Variants in MDFIC2 observed in about 807,000 individuals in gnomAD.
MDFIC2 encodes myoD family inhibitor domain-containing protein 2.
chr3:70,299,644 C>T (rs116364134), intron 2 of MDFIC2, among the ~76,000 whole-genome samples: 239 of 152,176 alleles, frequency 1.6e-3, no homozygotes, highest in African/African-American at 5.4e-3. Flanking sequence ...ATCTCAAATT[C>T]GGAATTCATG....
At chr3:70,295,560 AG>A (rs1702282115) in intron 2 of MDFIC2, among the ~76,000 whole-genome samples, 1 of 152,060 alleles carries the variant, frequency 6.6e-6, no homozygotes, top group Admixed American at 6.6e-5. Flanking sequence ...AAAATGAGCC[AG>A]GCTTGGTGGT....
At chr3:70,204,849 A>T (rs1054174858) in intron 3 of MDFIC2, 2 of 152,116 alleles carry the variant, frequency 1.3e-5, no homozygotes, top group African/African-American at 4.8e-5. Context: ...GTGGATATGT[A>T]CAATGGCAAT....
intron 2 of MDFIC2, among the ~76,000 whole-genome samples, chr3:70,307,477 A>G (rs950172352): frequency 2.0e-5 from 3 of 152,106 alleles, no homozygotes; most frequent in African/African-American, 7.2e-5. Flanking sequence ...ATGGGGTATT[A>G]CCTGACATCC....
rs924652134 is a variant in MDFIC2 at position 70,232,374 on chromosome 3, CAT to C, written c.89-25586_89-25585del. Among the ~76,000 whole-genome samples, 3 of 151,810 alleles carry C rather than the reference CAT, an allele frequency of 2.0e-5. No individual in the cohort carries two copies. The East Asian group carries it at 5.8e-4, about 29-fold the overall frequency. ...TGCCCACAATATTCACACCTCCACTCATGTGGCTGGACACAATGATGATGTTC... is the reference window on the plus strand; with the variant it reads ...TGCCCACAATATTCACACCTCCACTCGTGGCTGGACACAATGATGATGTTC... On this transcript the variant is annotated intron_variant, in intron 2 of 3. Coordinates refer to ENST00000567252, the MANE Select transcript of MDFIC2 (RefSeq NM_001364677.1).
intron 2 of MDFIC2, among the ~76,000 whole-genome samples, chr3:70,235,115 A>C (rs1290591722): frequency 6.6e-6 from 1 of 152,024 alleles, no homozygotes; most frequent in Non-Finnish European, 1.5e-5. Context: ...TCCAACCTCT[A>C]TTGGAGAAGA....
chr3:70,286,264 G>T (rs533293676), intron 2 of MDFIC2, among the ~76,000 whole-genome samples: 3 of 152,250 alleles, frequency 2.0e-5, no homozygotes, highest in Admixed American at 2.0e-4. Context: ...TCCAGTTTCA[G>T]CTTTCTACAT....
chr3:70,300,912 A>T (rs532162312), intron 2 of MDFIC2, among the ~76,000 whole-genome samples: 2 of 151,934 alleles, frequency 1.3e-5, no homozygotes, highest in African/African-American at 2.4e-5. Context: ...TGCTGTTTTT[A>T]AAAAAAAGTC....
chr3:70,308,637 G>T (rs1167517139), intron 2 of MDFIC2, among the ~76,000 whole-genome samples: 1 of 152,124 alleles, frequency 6.6e-6, no homozygotes, highest in Non-Finnish European at 1.5e-5. Context: ...TGAGATGAAT[G>T]AATAATAAGG....
chr3:70,255,487 G>A (rs1338309669), intron 2 of MDFIC2, among the ~76,000 whole-genome samples: 1 of 152,090 alleles, frequency 6.6e-6, no homozygotes, highest in East Asian at 1.9e-4. Flanking sequence ...AGTGGTATGA[G>A]CACAGTTAAC....
chr3:70,224,575 A>G (rs1367080025), intron 2 of MDFIC2, among the ~76,000 whole-genome samples: 1 of 152,142 alleles, frequency 6.6e-6, no homozygotes, highest in Non-Finnish European at 1.5e-5. Flanking sequence ...AATGCTCACT[A>G]AGTGTCTGAC....
chr3:70,283,796 A>G (rs1420104145), intron 2 of MDFIC2: 2 of 151,984 alleles, frequency 1.3e-5, no homozygotes, highest in Non-Finnish European at 2.9e-5. Context: ...GAGAGAGAAG[A>G]AAAAGAAAAA....
intron 2 of MDFIC2, among the ~76,000 whole-genome samples, chr3:70,304,236 C>T (rs566085099): frequency 1.5e-4 from 23 of 152,264 alleles, no homozygotes; most frequent in Admixed American, 5.9e-4. Flanking sequence ...TTTCCTGCCC[C>T]AGTGCCTGTA....
intron 2 of MDFIC2, among the ~76,000 whole-genome samples, chr3:70,226,253 A>T (rs1024657110): frequency 1.3e-5 from 2 of 152,196 alleles, no homozygotes; most frequent in Non-Finnish European, 2.9e-5. Context: ...GATGAGTAAG[A>T]CCTGGCCTCT....
rs965918688 is a variant in MDFIC2 at position 70,194,947 on chromosome 3, G to A, written c.*1979C>T. On this transcript the variant is annotated 3_prime_UTR_variant, in exon 4 of 4. Coordinates refer to ENST00000567252, the MANE Select transcript of MDFIC2 (RefSeq NM_001364677.1). Reference sequence around the variant, plus strand: ...GGGACATAAGGAAGCACTAGGAGGTGCAAGGAAACAACTGTTGATGAGTCA... The same window carrying A: ...GGGACATAAGGAAGCACTAGGAGGTACAAGGAAACAACTGTTGATGAGTCA... Among the ~76,000 whole-genome samples, 1 of 152,126 alleles carries A rather than the reference G, an allele frequency of 6.6e-6. No homozygotes were observed. Among genetic ancestry groups the A allele is most frequent in the African/African-American group, 2.4e-5 (1 of 41,420 alleles).
At chr3:70,199,899 A>C (rs2106719062) in intron 3 of MDFIC2, among the ~76,000 whole-genome samples, 1 of 152,286 alleles carries the variant, frequency 6.6e-6, no homozygotes, top group Middle Eastern at 3.4e-3. Flanking sequence ...CAACGTCTTC[A>C]AAACATCTCA....
chr3:70,246,351 A>G (rs980458356), intron 2 of MDFIC2, among the ~76,000 whole-genome samples: 20 of 152,084 alleles, frequency 1.3e-4, no homozygotes, highest in African/African-American at 4.8e-4. Flanking sequence ...CTAAGTCTAA[A>G]TGCTTGAACA....
At chr3:70,291,403 T>C (rs889493323) in intron 2 of MDFIC2, among the ~76,000 whole-genome samples, 2 of 152,216 alleles carry the variant, frequency 1.3e-5, no homozygotes, top group African/African-American at 4.8e-5. Flanking sequence ...AACAAATATA[T>C]CGTATTACTA....
At position 70,202,137 on chromosome 3, in the gene MDFIC2, G is replaced by C. The variant is rs933051849; in HGVS notation, c.310+4432C>G. 2.7e-4 allele frequency among the ~76,000 whole-genome samples: 41 copies of C among 152,108 alleles called. 1 individual carries two copies. Among genetic ancestry groups the C allele is most frequent in the African/African-American group, 9.9e-4 (41 of 41,410 alleles). On this transcript the variant is annotated intron_variant, in intron 3 of 3. Transcript: ENST00000567252. Reference sequence around the variant, plus strand: ...TTAGTGACTAGTGGTCTATCTGATAGTGATTGGTGACTGACTAGTGGTCTA... The same window carrying C: ...TTAGTGACTAGTGGTCTATCTGATACTGATTGGTGACTGACTAGTGGTCTA...
At chr3:70,306,015 C>T (rs1702396502) in intron 2 of MDFIC2, among the ~76,000 whole-genome samples, 1 of 152,058 alleles carries the variant, frequency 6.6e-6, no homozygotes, top group South Asian at 2.1e-4. Context: ...ATTCAAGGTG[C>T]CAAAACACTG....
Sources: gnomAD v4.1 joint callset for allele counts (sites outside exome capture counted in the v4.1 genomes callset) on GRCh38, gnomAD v4.1.1 for gene constraint, MANE v1.5 for transcripts, NCBI Gene and HGNC (gene_info 2026-07-23, HGNC 2026-07-21) for gene names.